The following PHF24 variants were observed in gnomAD, a reference collection of about 807,000 sequenced individuals.
PHF24 encodes the protein Galpha inhibitory interacting protein.
PHF24 carries 25 observed loss-of-function variants against 42.6 expected under a neutral mutation model. That is an observed-to-expected ratio of 0.59 (90% confidence interval 0.43 to 0.82). The LOEUF (loss-of-function observed/expected upper bound fraction) is 0.82. Among genes scored for constraint, PHF24 ranks in the 40% least tolerant of loss-of-function variants. The probability of loss-of-function intolerance (pLI) is 0.00; values close to 1 mark genes in which losing one functional copy is unlikely to be tolerated. For synonymous variants in PHF24, 185 were observed against 204.8 expected (o/e 0.90, Z 0.83); for missense variants, 470 against 538.1 (o/e 0.87, Z 1.25).
chr9:34,839,772 A>G, the PHF24 span, among the ~76,000 whole-genome samples: 1 of 152,226 alleles, frequency 6.6e-6, no homozygotes, highest in Non-Finnish European at 1.5e-5. Context: ...CGAAGACAAG[A>G]CAAATTTACG....
the PHF24 span, among the ~76,000 whole-genome samples, chr9:34,727,464 T>C: frequency 1.3e-5 from 2 of 152,212 alleles, no homozygotes; most frequent in African/African-American, 4.8e-5. Context: ...GTACCCGTAA[T>C]GTTATACCCA....
chr9:34,835,113 G>A, the PHF24 span: 3 of 1,534,150 alleles, frequency 2.0e-6, no homozygotes, highest in Admixed American at 3.9e-5. Flanking sequence ...GGCAAGGCTA[G>A]AGCCATAGGG....
At chr9:34,834,139 G>A in the PHF24 span, 1 of 1,530,408 alleles carries the variant, frequency 6.5e-7, no homozygotes, top group Non-Finnish European at 8.8e-7. Context: ...GCAGTACCAG[G>A]AACTGGCTTT....
At chr9:34,764,730 C>A in the PHF24 span, among the ~76,000 whole-genome samples, 3 of 152,068 alleles carry the variant, frequency 2.0e-5, no homozygotes, top group East Asian at 5.8e-4. Flanking sequence ...TTATTTCTTG[C>A]CTTCTGCTAG....
the PHF24 span, among the ~76,000 whole-genome samples, chr9:34,823,082 GCT>G: frequency 6.6e-6 from 1 of 151,324 alleles, no homozygotes; most frequent in South Asian, 2.1e-4. Flanking sequence ...TGTAGTCCCA[GCT>G]ACTGGGGAGG....
the PHF24 span, among the ~76,000 whole-genome samples, chr9:34,918,684 G>A: frequency 6.6e-6 from 1 of 152,056 alleles, no homozygotes; most frequent in African/African-American, 2.4e-5. Context: ...AAATTGCAGT[G>A]TACTAAATAA....
the PHF24 span, among the ~76,000 whole-genome samples, chr9:34,891,433 T>C: frequency 5.9e-5 from 9 of 152,182 alleles, no homozygotes; most frequent in Non-Finnish European, 1.3e-4. Flanking sequence ...GAGGAAACAA[T>C]TGCGGACTGG....
the PHF24 span, among the ~76,000 whole-genome samples, chr9:34,738,830 G>A: frequency 6.6e-6 from 1 of 152,178 alleles, no homozygotes; most frequent in African/African-American, 2.4e-5. Flanking sequence ...AAGAAGTATG[G>A]ACATCATGCT....
the PHF24 span, among the ~76,000 whole-genome samples, chr9:34,904,169 A>G: frequency 6.6e-6 from 1 of 152,180 alleles, no homozygotes; most frequent in South Asian, 2.1e-4. Flanking sequence ...TTGTCACCAA[A>G]CAGTGACAGT....
chr9:34,930,238 C>T, the PHF24 span, among the ~76,000 whole-genome samples: 1 of 152,138 alleles, frequency 6.6e-6, no homozygotes, highest in Non-Finnish European at 1.5e-5. Flanking sequence ...ACTCATGCTT[C>T]GGGTCTCTTG....
chr9:34,671,498 C>T, the PHF24 span, among the ~76,000 whole-genome samples: 1 of 152,188 alleles, frequency 6.6e-6, no homozygotes, highest in South Asian at 2.1e-4. Flanking sequence ...AAGCAGCCTG[C>T]CTTGGGTTTT....
At chr9:34,779,048 A>G in the PHF24 span, among the ~76,000 whole-genome samples, 2 of 152,184 alleles carry the variant, frequency 1.3e-5, no homozygotes, top group Non-Finnish European at 2.9e-5. Context: ...GGAAATTACA[A>G]AATACTTTGA....
the PHF24 span, among the ~76,000 whole-genome samples, chr9:34,689,131 G>T: frequency 5.9e-5 from 9 of 152,102 alleles, no homozygotes; most frequent in African/African-American, 2.2e-4. This position sits in a 1 kb window ranked among gnomAD's most constrained non-coding sequence, Gnocchi z 4.1. Context: ...GTAGAGCTGG[G>T]CCCTTTGCCC....
At chr9:34,895,112 A>C in the PHF24 span, 2 of 398,408 alleles carry the variant, frequency 5.0e-6, no homozygotes, top group Non-Finnish European at 8.8e-6. Flanking sequence ...TAGAATGCAA[A>C]GCTGCTACAC....
the PHF24 span, among the ~76,000 whole-genome samples, chr9:34,768,898 G>A: frequency 1.0e-5 from 1 of 98,716 alleles, no homozygotes; most frequent in Non-Finnish European, 2.0e-5. Context: ...TAGGTGGGGG[G>A]AGAGAGAGAG....
At chr9:34,833,608 C>A in the PHF24 span, 10 of 1,546,024 alleles carry the variant, frequency 6.5e-6, no homozygotes, top group African/African-American at 1.1e-4. Flanking sequence ...TCTCTAGGAC[C>A]TTTTTTCTCA....
chr9:34,772,143 T>G, the PHF24 span, among the ~76,000 whole-genome samples: 18 of 152,276 alleles, frequency 1.2e-4, no homozygotes, highest in Non-Finnish European at 2.2e-4. Flanking sequence ...TAAGAACAAG[T>G]TATAATGAAT....
chr9:34,729,052 A>G, the PHF24 span, among the ~76,000 whole-genome samples: 1 of 152,230 alleles, frequency 6.6e-6, no homozygotes, highest in Non-Finnish European at 1.5e-5. Flanking sequence ...TAGACTTCAT[A>G]TTATCTAGTT....
the PHF24 span, among the ~76,000 whole-genome samples, chr9:34,912,864 G>A: frequency 1.4e-4 from 22 of 152,296 alleles, no homozygotes; most frequent in Non-Finnish European, 2.9e-4. Context: ...ATCAATAGAT[G>A]TCAACCCCAA....
Sources: gnomAD v4.1 joint callset for allele counts (sites outside exome capture counted in the v4.1 genomes callset) on GRCh38, gnomAD v4.1.1 for gene constraint, Gnocchi (gnomAD v3.1) non-coding constraint, MANE v1.5 for transcripts, NCBI Gene and HGNC (gene_info 2026-07-23, HGNC 2026-07-21) for gene names.